DNAJB6: variants seen among roughly 807,000 people sequenced by gnomAD.
DNAJB6 encodes dnaJ homolog subfamily B member 6.
DNAJB6 carries 16 observed loss-of-function variants against 42.7 expected under a neutral mutation model. That is an observed-to-expected ratio of 0.37 (90% CI 0.25 to 0.57). The LOEUF (loss-of-function observed/expected upper bound fraction) is 0.57. Ranked by LOEUF, DNAJB6 falls within the 20% of genes least tolerant of loss-of-function variation. The pLI is 0.74. For synonymous variants in DNAJB6, 170 were observed against 163.5 expected, an observed-to-expected ratio of 1.04 and a Z score of -0.30; for missense variants, 347 against 416.8, an observed-to-expected ratio of 0.83 and a Z score of 1.46.
intron 2 of DNAJB6, among the ~76,000 whole-genome samples, chr7:157,359,471 C>G (rs1274356679): frequency 6.6e-6 from 1 of 152,126 alleles, no homozygotes; most frequent in African/African-American, 2.4e-5. Context: ...CCTTGGCCTC[C>G]CAGATTGCTG....
At chr7:157,359,833 C>G (rs1490535128) in intron 2 of DNAJB6, among the ~76,000 whole-genome samples, 1 of 152,184 alleles carries the variant, frequency 6.6e-6, no homozygotes, top group Non-Finnish European at 1.5e-5. Context: ...AAAGCCAAGT[C>G]AGGATGGCTG....
chr7:157,389,795 A>C (rs1462946688), intron 8 of DNAJB6, among the ~76,000 whole-genome samples: 1 of 152,178 alleles, frequency 6.6e-6, no homozygotes, highest in Non-Finnish European at 1.5e-5. Context: ...AGAGTTTATG[A>C]TTGGGCGTTA....
chr7:157,383,390 TTCA>T, intron 6 of DNAJB6, among the ~76,000 whole-genome samples: 2 of 152,310 alleles, frequency 1.3e-5, no homozygotes, highest in South Asian at 4.1e-4. Flanking sequence ...GGGTTCCTTC[TTCA>T]TCATGGTCAG....
Position 157,338,186 on chromosome 7 carries a change from G to C in DNAJB6, c.-27+1042G>C, listed in dbSNP as rs80059141. Among the ~76,000 whole-genome samples, 805 of 152,326 alleles carry C rather than the reference G, an allele frequency of 5.3e-3. 4 individuals carry two copies. Among genetic ancestry groups the C allele is most frequent in the Non-Finnish European group, 7.7e-3 (522 of 68,026 alleles). On this transcript the variant is annotated intron_variant, in intron 1 of 9. Transcript: ENST00000262177. ...AAACAGACGTTAACCATTAAAGCTT[G>C]ATTGCTGCTGCTTCGTGTTTAACCG...
At chr7:157,410,073 C>T in intron 9 of DNAJB6, 72 bp downstream of exon 9, 1 of 1,465,666 alleles carries the variant, frequency 6.8e-7, no homozygotes, top group Non-Finnish European at 9.0e-7. Context: ...ACAGCGAGGA[C>T]ACAAACCGCG....
chr7:157,341,219 G>A (rs1798362782), intron 1 of DNAJB6, among the ~76,000 whole-genome samples: 1 of 152,088 alleles, frequency 6.6e-6, no homozygotes, highest in Non-Finnish European at 1.5e-5. Context: ...CTGCCGCACG[G>A]GTTCAAGCGA....
intron 1 of DNAJB6, among the ~76,000 whole-genome samples, chr7:157,350,309 A>G (rs1329314300): frequency 3.9e-5 from 6 of 152,206 alleles, no homozygotes; most frequent in Non-Finnish European, 8.8e-5. Context: ...TTGTAAGGGT[A>G]TATTTGCCTA....
intron 1 of DNAJB6, among the ~76,000 whole-genome samples, chr7:157,339,110 C>T (rs1274704278): frequency 3.3e-5 from 5 of 152,044 alleles, no homozygotes; most frequent in African/African-American, 4.8e-5. Flanking sequence ...TATGGTATTA[C>T]AGTGTGATAC....
intron 1 of DNAJB6, among the ~76,000 whole-genome samples, chr7:157,342,397 G>T (rs1032993713): frequency 7.4e-6 from 1 of 134,438 alleles, no homozygotes; most frequent in Non-Finnish European, 1.5e-5. Context: ...GAGTGCAGTG[G>T]TGCAATCTCA....
chr7:157,396,003 A>G (rs1801568516), intron 8 of DNAJB6, among the ~76,000 whole-genome samples: 1 of 146,994 alleles, frequency 6.8e-6, no homozygotes, highest in Non-Finnish European at 1.5e-5. Context: ...GCTGGAGTGC[A>G]GTGAAGTGAA....
At chr7:157,347,160 T>G (rs1220630009) in intron 1 of DNAJB6, among the ~76,000 whole-genome samples, 1 of 152,214 alleles carries the variant, frequency 6.6e-6, no homozygotes, top group East Asian at 1.9e-4. Flanking sequence ...CGGCCAGCTA[T>G]TTTCATTTTG....
rs186752680 is a variant in DNAJB6 at position 157,353,263 on chromosome 7, G to A, written c.-26-5284G>A. ...TCTGTGTCCTTTTGATGTACACTTCGTCTTTTTGAAGTTTTTAAACTTTAT... is the reference window on the plus strand; with the variant it reads ...TCTGTGTCCTTTTGATGTACACTTCATCTTTTTGAAGTTTTTAAACTTTAT... On this transcript the variant is annotated intron_variant, in intron 1 of 9. Coordinates refer to ENST00000262177, the MANE Select transcript of DNAJB6 (RefSeq NM_058246.4). Among the ~76,000 whole-genome samples, 49 of 151,988 alleles carry A rather than the reference G, an allele frequency of 3.2e-4. No individual in the cohort carries two copies. The East Asian group carries it at 7.9e-3, about 25-fold the overall frequency.
intron 1 of DNAJB6, among the ~76,000 whole-genome samples, chr7:157,341,177 T>G (rs1356151345): frequency 1.3e-5 from 2 of 152,070 alleles, no homozygotes; most frequent in Non-Finnish European, 2.9e-5. Flanking sequence ...CCAGGCTGGA[T>G]GCAGTGGCGC....
chr7:157,415,980 G>T (rs1337795999), intron 9 of DNAJB6, 36 bp from the exon 10 acceptor site: 1 of 1,613,950 alleles, frequency 6.2e-7, no homozygotes, highest in Non-Finnish European at 8.5e-7. Flanking sequence ...AAGCAGTGCT[G>T]TTCCGTACAG....
intron 8 of DNAJB6, among the ~76,000 whole-genome samples, chr7:157,388,646 G>GC (rs1563141299): frequency 6.7e-6 from 1 of 150,002 alleles, no homozygotes; most frequent in East Asian, 2.0e-4. Flanking sequence ...TTTGGGGGGG[G>GC]GGTAAGTGGT....
At chr7:157,398,227 G>GCACACC (rs1801689128) in intron 8 of DNAJB6, among the ~76,000 whole-genome samples, 1 of 152,180 alleles carries the variant, frequency 6.6e-6, no homozygotes, top group Non-Finnish European at 1.5e-5. Flanking sequence ...GGTCTTGCTG[G>GCACACC]GTGTCCCCAG....
intron 9 of DNAJB6, chr7:157,410,960 G>A (rs1003819974): frequency 6.6e-6 from 1 of 152,156 alleles, no homozygotes; most frequent in Admixed American, 6.5e-5. Context: ...CGCTTCCGAG[G>A]AGGACGGAAG....
In DNAJB6 at chr7:157,355,218, G is replaced by A. The variant is rs146618784; in HGVS notation, c.-26-3329G>A. Among the ~76,000 whole-genome samples the A allele has an allele frequency of 2.7e-3, 412 of 152,282 alleles. 10 individuals carry two copies. The highest frequency in any genetic ancestry group is 3.4e-3 in the Middle Eastern group (1 of 294). ...GTCCAGGTTGGAGTGCAGTGGCGCG[G>A]GCGCGATCTCGGCTCACTGCAGGCT... is the stretch of plus-strand genomic sequence containing the variant. On this transcript the variant is annotated intron_variant, in intron 1 of 9. Transcript: ENST00000262177.
At position 157,351,655 on chromosome 7, in the gene DNAJB6, CAACAACA is replaced by C. The variant is rs796265977; in HGVS notation, c.-26-6889_-26-6883del. Among the ~76,000 whole-genome samples the C allele has an allele frequency of 7.3e-3, 807 of 111,262 alleles. 12 individuals carry two copies. Among genetic ancestry groups the C allele is most frequent in the African/African-American group, 0.022 (767 of 35,260 alleles). The allele number at this position is 111,262 out of a possible 152,430, so 73.0% of individuals were successfully genotyped here. On this transcript the variant is annotated intron_variant, in intron 1 of 9. Transcript: ENST00000262177. ...CTCAAAACAACAACAACAACAACAA[CAACAACA>C]AAAAAAACCACAAAACTTGTTTGGC...
Sources: allele counts gnomAD v4.1 joint callset (sites outside exome capture counted in the v4.1 genomes callset), GRCh38; gene constraint gnomAD v4.1.1; transcripts MANE v1.5; gene names NCBI Gene and HGNC (gene_info 2026-07-23, HGNC 2026-07-21).